Variants in MICU1 observed in about 807,000 individuals in gnomAD.
MICU1 encodes mitochondrial calcium uptake 1.
In MICU1, 45 loss-of-function variants were observed where a neutral mutation model predicts 56.8. That is an observed-to-expected ratio of 0.79 (90% confidence interval 0.62 to 1.02). The LOEUF is 1.02. Ranked by LOEUF, MICU1 falls within the 50% of genes least tolerant of loss-of-function variation. The pLI is 0.00. For synonymous variants in MICU1, 186 were observed against 195.1 expected (o/e 0.95, Z 0.39); for missense variants, 504 against 587.1 (o/e 0.86, Z 1.46).
chr10:72,513,598 G>T (rs1008211467), intron 5 of MICU1, among the ~76,000 whole-genome samples: 1 of 151,974 alleles, frequency 6.6e-6, no homozygotes, highest in African/African-American at 2.4e-5. Flanking sequence ...TGCTTTTGAT[G>T]TTATATTTAA....
intron 11 of MICU1, among the ~76,000 whole-genome samples, chr10:72,373,994 G>A (rs1000321708): frequency 1.3e-5 from 2 of 152,210 alleles, no homozygotes; most frequent in Non-Finnish European, 2.9e-5. Flanking sequence ...TCATACTGTG[G>A]ACAGGGCAGC....
At chr10:72,391,432 A>G (rs1239877641) in intron 10 of MICU1, among the ~76,000 whole-genome samples, 1 of 151,996 alleles carries the variant, frequency 6.6e-6, no homozygotes, top group Non-Finnish European at 1.5e-5. Flanking sequence ...GCAAAACTCC[A>G]TCTCAAAAAA....
chr10:72,508,142 C>T lies in MICU1; in HGVS notation c.652+13G>A, dbSNP rs770774436. 3.1e-5 allele frequency: 44 copies of T among 1,400,124 alleles called. No individual in the cohort carries two copies. The highest frequency in any genetic ancestry group is 1.2e-4 in the East Asian group (5 of 41,678). The allele number at this position is 1,400,124 out of a possible 1,614,324, so 86.7% of individuals were successfully genotyped here. A position where few individuals can be genotyped will look rare whatever the true frequency, so the allele number is the denominator to read the frequency against. On this transcript the variant is annotated intron_variant, in intron 6 of 11. Coordinates refer to ENST00000361114, the MANE Select transcript of MICU1 (RefSeq NM_001195518.2). Reference sequence around the variant, plus strand: ...CTGCTCTACAAATGGAAAAAGAAAACGTTTATACTTACTGGAAAGAACAGT... The same window carrying T: ...CTGCTCTACAAATGGAAAAAGAAAATGTTTATACTTACTGGAAAGAACAGT...
chr10:72,475,788 G>A (rs138284343), intron 7 of MICU1: 38 of 453,496 alleles, frequency 8.4e-5, no homozygotes, highest in African/African-American at 8.0e-5. Context: ...TGAAGCACAC[G>A]GAATTAAATA....
At chr10:72,434,014 C>T (rs528773662) in intron 8 of MICU1, among the ~76,000 whole-genome samples, 59 of 152,026 alleles carry the variant, frequency 3.9e-4, no homozygotes, top group Non-Finnish European at 7.5e-4. Flanking sequence ...ATCACATTCC[C>T]CTTGTGGAAG....
chr10:72,594,925 CAA>C lies in MICU1; in HGVS notation c.-1-28133_-1-28132del, dbSNP rs57504317. ...ACCCTGTCTCAAAAAAAGTACAATC[CAA>C]AAAAAAAAAAAAGATGAACCAATGA... On this transcript the variant is annotated intron_variant, in intron 1 of 11. Transcript: ENST00000361114. Among the ~76,000 whole-genome samples, 18 of 50,726 alleles carry C rather than the reference CAA, an allele frequency of 3.5e-4. 1 individual carries two copies. The highest frequency in any genetic ancestry group is 4.6e-4 in the African/African-American group (6 of 12,906). 33.3% of individuals were successfully genotyped at this position (50,726 alleles called of 152,430 possible). A position where few individuals can be genotyped will look rare whatever the true frequency, so the allele number is the denominator to read the frequency against.
intron 10 of MICU1, among the ~76,000 whole-genome samples, chr10:72,397,609 CA>C (rs200413277): frequency 0.03 from 4,584 of 151,402 alleles, 232 homozygotes; most frequent in African/African-American, 0.11. Flanking sequence ...AAATGGAAAA[CA>C]AAAAAAAGCA....
At chr10:72,481,567 A>AC (rs1023438666) in intron 6 of MICU1, among the ~76,000 whole-genome samples, 8 of 151,706 alleles carry the variant, frequency 5.3e-5, no homozygotes, top group Non-Finnish European at 1.0e-4. Flanking sequence ...GCACACCACC[A>AC]CCCCCGGCTA....
intron 1 of MICU1, among the ~76,000 whole-genome samples, chr10:72,591,473 C>CT: frequency 6.6e-6 from 1 of 151,964 alleles, no homozygotes; most frequent in East Asian, 1.9e-4. Flanking sequence ...ATCAACACAC[C>CT]TTTAGCTAGA....
At chr10:72,449,314 CTTGAA>C (rs1482108891) in intron 8 of MICU1, among the ~76,000 whole-genome samples, 1 of 152,146 alleles carries the variant, frequency 6.6e-6, no homozygotes. Flanking sequence ...ACAATAATTG[CTTGAA>C]CCCAGGAGGC....
intron 2 of MICU1, among the ~76,000 whole-genome samples, chr10:72,564,828 T>C (rs1405636917): frequency 1.3e-5 from 2 of 152,052 alleles, no homozygotes; most frequent in African/African-American, 4.8e-5. Context: ...AGGATGAAAC[T>C]ACACAAAGTA....
intron 1 of MICU1, among the ~76,000 whole-genome samples, chr10:72,595,763 A>G (rs1490227468): frequency 6.6e-6 from 1 of 152,142 alleles, no homozygotes; most frequent in African/African-American, 2.4e-5. Context: ...AATTTCTAGA[A>G]AAGATTTATC....
At chr10:72,602,802 C>A (rs1446608369) in intron 1 of MICU1, among the ~76,000 whole-genome samples, 3 of 152,122 alleles carry the variant, frequency 2.0e-5, no homozygotes, top group African/African-American at 4.8e-5. Flanking sequence ...ATGAAAGAAT[C>A]AATACTTAAG....
At chr10:72,606,860 C>T (rs1407591563) in intron 1 of MICU1, among the ~76,000 whole-genome samples, 1 of 152,068 alleles carries the variant, frequency 6.6e-6, no homozygotes, top group African/African-American at 2.4e-5. Flanking sequence ...GCACATTATC[C>T]TTGCCAACGA....
At chr10:72,500,276 ATATATATATATATATATATATATATATTT>A (rs1480754390) in intron 6 of MICU1, among the ~76,000 whole-genome samples, 6 of 11,540 alleles carry the variant, frequency 5.2e-4, no homozygotes, top group Non-Finnish European at 6.5e-4. Flanking sequence ...ATATATATAT[ATATATATATATATATATATATATATATTT>A]TTTTTTTTTT....
chr10:72,454,746 G>A (rs1323695514), intron 8 of MICU1, among the ~76,000 whole-genome samples: 3 of 146,518 alleles, frequency 2.0e-5, no homozygotes, highest in East Asian at 4.0e-4. Context: ...TCACACCACT[G>A]CACTCCAGCC....
At chr10:72,589,384 A>G (rs1841158890) in intron 1 of MICU1, among the ~76,000 whole-genome samples, 1 of 152,202 alleles carries the variant, frequency 6.6e-6, no homozygotes, top group South Asian at 2.1e-4. Flanking sequence ...AACTGAGGAA[A>G]TGCTTCTTCT....
At chr10:72,435,597 C>T (rs1864685744) in intron 8 of MICU1, among the ~76,000 whole-genome samples, 1 of 152,108 alleles carries the variant, frequency 6.6e-6, no homozygotes, top group Non-Finnish European at 1.5e-5. Context: ...TGTCACCTCA[C>T]CTGGGAAGTG....
At chr10:72,504,809 T>C (rs1387197262) in intron 6 of MICU1, among the ~76,000 whole-genome samples, 2 of 151,954 alleles carry the variant, frequency 1.3e-5, no homozygotes, top group African/African-American at 4.8e-5. Context: ...TCATTAAAAG[T>C]GGGCAAAGGA....
Sources: allele counts gnomAD v4.1 joint callset (sites outside exome capture counted in the v4.1 genomes callset), GRCh38; gene constraint gnomAD v4.1.1; transcripts MANE v1.5; gene names NCBI Gene and HGNC (gene_info 2026-07-23, HGNC 2026-07-21).